WDR27: variants seen among roughly 807,000 people sequenced by gnomAD.
WDR27 encodes the protein WD repeat domain 27.
A neutral mutation model predicts 114.4 loss-of-function variants in WDR27; 100 were observed. The observed-to-expected ratio is 0.87, with a 90% CI of 0.74 to 1.03. The LOEUF (loss-of-function observed/expected upper bound fraction) is 1.03, where lower values mean the gene tolerates loss of function less well. WDR27 is among the 50% of genes least tolerant of loss of function. The probability of loss-of-function intolerance (pLI) is 0.00; values close to 1 mark genes in which losing one functional copy is unlikely to be tolerated. For missense variants in WDR27, 1,129 were observed against 1,092.9 expected (o/e 1.03, Z -0.47); for synonymous variants, 449 against 423.1 (o/e 1.06, Z -0.75).
At chr6:169,529,902 A>T (rs902145227) in intron 25 of WDR27, among the ~76,000 whole-genome samples, 2 of 152,254 alleles carry the variant, frequency 1.3e-5, no homozygotes, top group Non-Finnish European at 2.9e-5. Flanking sequence ...CTGTGCCATA[A>T]CTAGAAATAA....
rs571161477 is a variant in WDR27 at position 169,657,012 on chromosome 6, G to A, written c.1402+1264C>T. Among the ~76,000 whole-genome samples, 5 of 152,274 alleles carry A rather than the reference G, an allele frequency of 3.3e-5. No individual in the cohort carries two copies. The South Asian group carries it at 1.0e-3, about 32-fold the overall frequency. ...TTCTCAGAACTGTCCCCATGGTGAT[G>A]GGACGGCAGCAGAGCATAAACCGGC... On this transcript the variant is annotated intron_variant, in intron 13 of 25. Transcript: ENST00000448612.
At chr6:169,531,559 A>C (rs1031073038) in intron 25 of WDR27, among the ~76,000 whole-genome samples, 1 of 152,298 alleles carries the variant, frequency 6.6e-6, no homozygotes, top group Admixed American at 6.5e-5. Context: ...GCTGAGTGTT[A>C]CCTGCTCTAC....
At chr6:169,562,324 T>C (rs1799787368) in intron 25 of WDR27, among the ~76,000 whole-genome samples, 1 of 152,028 alleles carries the variant, frequency 6.6e-6, no homozygotes. Flanking sequence ...TGGTATTAAA[T>C]TGGAAATCAA....
intron 21 of WDR27, among the ~76,000 whole-genome samples, chr6:169,624,289 C>T (rs924573385): frequency 4.0e-5 from 6 of 150,942 alleles, no homozygotes; most frequent in South Asian, 2.1e-4. Context: ...AGGTGTGTGG[C>T]GTCAGGTGTG....
chr6:169,475,176 G>A (rs1392891798), intron 25 of WDR27, among the ~76,000 whole-genome samples: 1 of 152,156 alleles, frequency 6.6e-6, no homozygotes, highest in Non-Finnish European at 1.5e-5. Flanking sequence ...TTTTTCCCAA[G>A]CACAGGGTTT....
chr6:169,660,382 C>T (rs1402249922), intron 10 of WDR27, among the ~76,000 whole-genome samples: 3 of 152,156 alleles, frequency 2.0e-5, no homozygotes, highest in African/African-American at 7.2e-5. Context: ...TGCAGGTGTT[C>T]CACGCTGCTG....
chr6:169,467,784 T>A (rs995919073), intron 25 of WDR27, among the ~76,000 whole-genome samples: 1 of 152,258 alleles, frequency 6.6e-6, no homozygotes, highest in Non-Finnish European at 1.5e-5. Flanking sequence ...AGCTCCTCAT[T>A]ACTTATGCAA....
At chr6:169,638,240 C>A (rs959555125) in intron 18 of WDR27, among the ~76,000 whole-genome samples, 1 of 84,134 alleles carries the variant, frequency 1.2e-5, no homozygotes, top group African/African-American at 7.5e-5. Context: ...GGCGTGAACC[C>A]GGGAAGCGGA....
rs148595083 is a variant in WDR27 at position 169,625,995 on chromosome 6, C to T, written c.2223+6952G>A. 7.9e-5 allele frequency among the ~76,000 whole-genome samples: 12 copies of T among 152,312 alleles called. No individual in the cohort carries two copies. In the East Asian group the frequency reaches 9.7e-4, roughly 12 times the overall value. ...GCCAAGCTTGAGACTGGGTCTGAGG[C>T]GTCACCAAGGACACTGACAGGGTAA... is the stretch of plus-strand genomic sequence containing the variant. On this transcript the variant is annotated intron_variant, in intron 21 of 25. Coordinates refer to ENST00000448612, the MANE Select transcript of WDR27 (RefSeq NM_182552.5).
At chr6:169,662,684 C>T (rs1046041133) in intron 8 of WDR27, among the ~76,000 whole-genome samples, 9 of 141,498 alleles carry the variant, frequency 6.4e-5, no homozygotes, top group East Asian at 2.3e-4. Context: ...GATCACGTGT[C>T]GAGGAAAGCA....
At chr6:169,577,498 A>G (rs1802591601) in intron 24 of WDR27, among the ~76,000 whole-genome samples, 1 of 150,948 alleles carries the variant, frequency 6.6e-6, no homozygotes, top group Non-Finnish European at 1.5e-5. Context: ...CAGGATAAGG[A>G]CAAAGGGTCC....
At chr6:169,429,019 CAG>C in the WDR27 span, among the ~76,000 whole-genome samples, 8 of 152,182 alleles carry the variant, frequency 5.3e-5, no homozygotes, top group Non-Finnish European at 8.8e-5. Context: ...AGGCAGAAAG[CAG>C]AGAGTAGGAA....
chr6:169,491,001 G>A (rs1224589817), intron 25 of WDR27, among the ~76,000 whole-genome samples: 2 of 152,046 alleles, frequency 1.3e-5, no homozygotes, highest in East Asian at 3.9e-4. Context: ...AAAAACAAAG[G>A]CAATGCTGCA....
intron 1 of WDR27, among the ~76,000 whole-genome samples, chr6:169,701,214 T>C (rs1463123237): frequency 1.3e-5 from 2 of 152,228 alleles, no homozygotes; most frequent in African/African-American, 4.8e-5. Context: ...ATTTCCGTTT[T>C]TTTAATGTAC....
chr6:169,644,736 G>A lies in WDR27; in HGVS notation c.1658-950C>T, dbSNP rs1384065911. Among the ~76,000 whole-genome samples, 9 of 121,200 alleles carry A rather than the reference G, an allele frequency of 7.4e-5. 3 individuals are homozygous for A. Among genetic ancestry groups the A allele is most frequent in the South Asian group, 5.0e-4 (2 of 3,992 alleles). 79.5% of individuals were successfully genotyped at this position (121,200 alleles called of 152,430 possible). On this transcript the variant is annotated intron_variant, in intron 16 of 25. Coordinates refer to ENST00000448612, the MANE Select transcript of WDR27 (RefSeq NM_182552.5). ...CACTGTAGAAAATCCTAGGCCGGGC[G>A]CGGTGGCTCACGCCTGTAATCCCAG...
the WDR27 span, among the ~76,000 whole-genome samples, chr6:169,439,230 T>C: frequency 6.6e-6 from 1 of 152,212 alleles, no homozygotes; most frequent in Admixed American, 6.5e-5. Flanking sequence ...TGTGAATGCT[T>C]TAACATTTAT....
chr6:169,672,945 T>C (rs1226632295), intron 2 of WDR27, among the ~76,000 whole-genome samples: 1 of 152,220 alleles, frequency 6.6e-6, no homozygotes, highest in Non-Finnish European at 1.5e-5. Flanking sequence ...AGATTTGTTT[T>C]CCAGGAACAA....
intron 25 of WDR27, among the ~76,000 whole-genome samples, chr6:169,463,146 T>A (rs1785122664): frequency 6.6e-6 from 1 of 152,182 alleles, no homozygotes; most frequent in African/African-American, 2.4e-5. Flanking sequence ...CTGGTTTCCA[T>A]TTCTAAGATG....
chr6:169,680,239 G>T (rs1781146443), intron 2 of WDR27, among the ~76,000 whole-genome samples: 2 of 152,118 alleles, frequency 1.3e-5, no homozygotes, highest in Admixed American at 6.5e-5. Flanking sequence ...ATAATTACGT[G>T]GGTAGATGTG....
Sources: gnomAD v4.1 joint callset for allele counts (sites outside exome capture counted in the v4.1 genomes callset) on GRCh38, gnomAD v4.1.1 for gene constraint, MANE v1.5 for transcripts, NCBI Gene and HGNC (gene_info 2026-07-23, HGNC 2026-07-21) for gene names.